Variants in TMEM101 observed in about 807,000 individuals in gnomAD.
TMEM101 encodes the protein transmembrane protein 101.
A neutral mutation model predicts 26.0 loss-of-function variants in TMEM101; 14 were observed. That is an observed-to-expected ratio of 0.54 (90% CI 0.36 to 0.84). The LOEUF (loss-of-function observed/expected upper bound fraction) is 0.84. Ranked by LOEUF, TMEM101 falls within the 40% of genes least tolerant of loss-of-function variation. TMEM101 has a pLI of 0.01. For synonymous variants in TMEM101, 152 were observed against 145.1 expected (o/e 1.05, Z -0.34); for missense variants, 292 against 345.1 (o/e 0.85, Z 1.22).
upstream of TMEM101, among the ~76,000 whole-genome samples, chr17:44,017,696 G>A (rs2049247764): frequency 6.6e-6 from 1 of 151,432 alleles, no homozygotes; most frequent in Non-Finnish European, 1.5e-5. Flanking sequence ...CTGGGAGACG[G>A]AGGTTGGAGT....
At chr17:44,013,531 C>T (rs2049188741) in intron 2 of TMEM101, among the ~76,000 whole-genome samples, 2 of 152,110 alleles carry the variant, frequency 1.3e-5, no homozygotes, top group South Asian at 2.1e-4. Context: ...TGGGGAAGGG[C>T]GCCTGTAATC....
intron 2 of TMEM101, among the ~76,000 whole-genome samples, chr17:44,020,595 A>T (rs2049276352): frequency 6.6e-6 from 1 of 152,094 alleles, no homozygotes; most frequent in South Asian, 2.1e-4. Flanking sequence ...GGCGACATGC[A>T]CCTATAATCC....
At chr17:44,018,693 G>T (rs1262613209), upstream of TMEM101, among the ~76,000 whole-genome samples, 2 of 152,134 alleles carry the variant, frequency 1.3e-5, no homozygotes, top group Non-Finnish European at 2.9e-5. Context: ...TGTCCCTATA[G>T]GCACAATGCC....
At chr17:44,015,424 C>T (rs2049220749), upstream of TMEM101, among the ~76,000 whole-genome samples, 1 of 151,512 alleles carries the variant, frequency 6.6e-6, no homozygotes, top group African/African-American at 2.4e-5. Flanking sequence ...GACGGAGTCT[C>T]ACTCTGTCGC....
chr17:44,019,078 C>G (rs558804333), upstream of TMEM101, among the ~76,000 whole-genome samples: 20 of 152,014 alleles, frequency 1.3e-4, no homozygotes, highest in Non-Finnish European at 2.4e-4. Context: ...GTGCGAGAGA[C>G]GAGTGAGGGG....
upstream of TMEM101, among the ~76,000 whole-genome samples, chr17:44,016,837 A>C (rs143495152): frequency 5.1e-4 from 77 of 152,268 alleles, no homozygotes; most frequent in Non-Finnish European, 9.1e-4. Context: ...CTGTACAGAT[A>C]AATGAAAAGG....
At chr17:44,018,158 C>G (rs2049252244), upstream of TMEM101, among the ~76,000 whole-genome samples, 1 of 151,728 alleles carries the variant, frequency 6.6e-6, no homozygotes, top group South Asian at 2.1e-4. Flanking sequence ...AGGATAAGGT[C>G]TGGGTAAATC....
chr17:44,014,342 G>A lies in TMEM101; in HGVS notation c.318+15C>T. On this transcript the variant is annotated intron_variant, in intron 2 of 3. Coordinates refer to ENST00000206380, the MANE Select transcript of TMEM101 (RefSeq NM_032376.4). ...TCACCCAGAGGGAAGACCCTTTTGG[G>A]GCCGAGGCGCTCACCTTCAGCCAGT... The A allele has an allele frequency of 6.5e-7, 1 of 1,543,946 alleles. No homozygotes were observed. Among genetic ancestry groups the A allele is most frequent in the East Asian group, 2.5e-5 (1 of 40,696 alleles).
Position 44,012,227 on chromosome 17 carries a change from G to A in TMEM101, c.475C>T (p.Leu159=). ...GIYLICVAYS[L]QHSKEDRLAY... ...AGCCGGTCCTCCTTGCTGTGCTGCA[G>A]TGAGTAGGCCTGGAGACATAACATC... Residue 159 remains leucine, a synonymous_variant, in exon 4 of 4, where the codon CTG becomes TTG. Transcript: ENST00000206380. The A allele has an allele frequency of 6.2e-7, 1 of 1,612,320 alleles. No individual in the cohort carries two copies. Among genetic ancestry groups the A allele is most frequent in the Non-Finnish European group, 8.5e-7 (1 of 1,179,082 alleles).
intron 2 of TMEM101, among the ~76,000 whole-genome samples, chr17:44,021,071 G>T (rs1391069821): frequency 6.6e-6 from 1 of 152,162 alleles, no homozygotes; most frequent in Non-Finnish European, 1.5e-5. Context: ...CAGTCTTAGG[G>T]GCAGGATCTG....
At chr17:44,019,221 T>C (rs945357956), upstream of TMEM101, 2 of 269,972 alleles carry the variant, frequency 7.4e-6, no homozygotes, top group East Asian at 1.3e-4. Context: ...AAAAGAGATA[T>C]ATGTATTTAT....
upstream of TMEM101, among the ~76,000 whole-genome samples, chr17:44,015,945 T>C (rs1042058256): frequency 6.6e-6 from 1 of 152,092 alleles, no homozygotes; most frequent in African/African-American, 2.4e-5. Flanking sequence ...ACCCAAATTG[T>C]CATACTTTGT....
upstream of TMEM101, among the ~76,000 whole-genome samples, chr17:44,017,910 A>G (rs376852187): frequency 3.9e-5 from 6 of 152,000 alleles, no homozygotes; most frequent in South Asian, 4.2e-4. Context: ...GCACGGGTGG[A>G]TCACTTGAGG....
intron 2 of TMEM101, among the ~76,000 whole-genome samples, chr17:44,019,971 T>C (rs1360776378): frequency 6.6e-6 from 1 of 152,216 alleles, no homozygotes; most frequent in Non-Finnish European, 1.5e-5. Flanking sequence ...CTTTGCAACA[T>C]GACAGTACAC....
At chr17:44,015,433 G>A (rs1404200771), upstream of TMEM101, among the ~76,000 whole-genome samples, 1 of 150,850 alleles carries the variant, frequency 6.6e-6, no homozygotes, top group East Asian at 1.9e-4. Flanking sequence ...TCACTCTGTC[G>A]CCTAGGCTGG....
In TMEM101 at chr17:44,014,459, G is replaced by C; in HGVS notation, c.216C>G (p.Gly72=). The change falls in exon 2 of 4, where the codon GGC becomes GGG. Residue 72 remains glycine (G), a synonymous_variant. Transcript: ENST00000206380. ...CCAGCGCGAACCAGCGCCGCTTCAC[G>C]CCAAAGGACATGAAACTAGCGCACA... ...AVLCASFMSF[G]VKRRWFALGA... is the part of the protein sequence containing the mutation. 2 of 1,561,648 alleles carry C rather than the reference G, an allele frequency of 1.3e-6. No homozygotes were observed. Among genetic ancestry groups the C allele is most frequent in the Non-Finnish European group, 1.7e-6 (2 of 1,152,434 alleles).
intron 1 of TMEM101, among the ~76,000 whole-genome samples, chr17:44,022,847 C>T (rs985691316): frequency 3.3e-5 from 5 of 152,010 alleles, no homozygotes; most frequent in Admixed American, 1.3e-4. Context: ...GTGTGAGAGA[C>T]GCATGAGGGG....
chr17:44,012,503 G>A (rs2049174207), intron 3 of TMEM101: 1 of 516,120 alleles, frequency 1.9e-6, no homozygotes, highest in African/African-American at 1.9e-5. Flanking sequence ...CTCTGAATAT[G>A]GGAGCCCACA....
chr17:44,015,808 G>A (rs926062470), upstream of TMEM101, among the ~76,000 whole-genome samples: 22 of 152,100 alleles, frequency 1.4e-4, no homozygotes, highest in Non-Finnish European at 2.8e-4. Context: ...CAAAGTAAGG[G>A]GTCCTCCTGG....
Sources: allele counts gnomAD v4.1 joint callset (sites outside exome capture counted in the v4.1 genomes callset), GRCh38; gene constraint gnomAD v4.1.1; transcripts MANE v1.5; gene names NCBI Gene and HGNC (gene_info 2026-07-23, HGNC 2026-07-21).